The following GPR158 variants were observed in gnomAD, a reference collection of about 807,000 sequenced individuals.
GPR158 encodes the protein metabotropic glycine receptor.
A neutral mutation model predicts 78.2 loss-of-function variants in GPR158; 30 were observed. The ratio of observed to expected loss-of-function variants is 0.38; its 90% CI spans 0.29 to 0.52. GPR158 has a LOEUF of 0.52. GPR158 is among the 20% of genes least tolerant of loss of function. The pLI, the probability that GPR158 is intolerant of heterozygous loss-of-function variation, is 0.83. For synonymous variants in GPR158, 581 were observed against 591.1 expected (o/e 0.98, Z 0.25); for missense variants, 1,463 against 1,523.5 (o/e 0.96, Z 0.66).
chr10:25,299,561 A>T (rs1388785489), intron 2 of GPR158, among the ~76,000 whole-genome samples: 1 of 152,088 alleles, frequency 6.6e-6, no homozygotes, highest in Admixed American at 6.6e-5. Flanking sequence ...TTTCTCGCAA[A>T]TGACAGACTT....
intron 2 of GPR158, among the ~76,000 whole-genome samples, chr10:25,236,584 A>G (rs901524775): frequency 6.6e-6 from 1 of 152,166 alleles, no homozygotes; most frequent in Non-Finnish European, 1.5e-5. Flanking sequence ...TGATTCTACC[A>G]TGCTTTTTCA....
rs1298749281 is a variant in GPR158 at position 25,596,556 on chromosome 10, TATAG to T, written c.1999-83_1999-80del. ...ATCTAGGTATAGATATAGATACCTA[TATAG>T]ATATAGGTATAGATATAGATATAGA... On this transcript the variant is annotated intron_variant, in intron 9 of 10. Coordinates refer to ENST00000376351, the MANE Select transcript of GPR158 (RefSeq NM_020752.3). The T allele has an allele frequency of 2.0e-5, 17 of 870,728 alleles. No individual in the cohort carries two copies. In the African/African-American group the frequency reaches 2.7e-4, roughly 14 times the overall value. The allele number at this position is 870,728 out of a possible 1,614,324, so 53.9% of individuals were successfully genotyped here.
At chr10:25,380,709 T>C (rs1352143642) in intron 2 of GPR158, among the ~76,000 whole-genome samples, 3 of 152,188 alleles carry the variant, frequency 2.0e-5, no homozygotes, top group African/African-American at 7.2e-5. Context: ...TTAGGAGTAA[T>C]AATTAAAAAT....
intron 2 of GPR158, among the ~76,000 whole-genome samples, chr10:25,314,715 G>A (rs921341196): frequency 4.7e-5 from 7 of 149,324 alleles, no homozygotes; most frequent in East Asian, 2.0e-4. Flanking sequence ...GTCAACAAAC[G>A]TGTTTAAGAC....
At chr10:25,185,901 C>T (rs1023896960) in intron 1 of GPR158, among the ~76,000 whole-genome samples, 2 of 152,148 alleles carry the variant, frequency 1.3e-5, no homozygotes, top group Non-Finnish European at 2.9e-5. Context: ...GAACTCTCTA[C>T]CCCAAAACAA....
chr10:25,200,868 G>GTT lies in GPR158; in HGVS notation c.903-20166_903-20165dup, dbSNP rs56696555. 8.0e-3 allele frequency among the ~76,000 whole-genome samples: 906 copies of GTT among 113,270 alleles called. 15 individuals carry two copies. Among genetic ancestry groups the GTT allele is most frequent in the East Asian group, 0.05 (207 of 4,142 alleles). 74.3% of individuals were successfully genotyped at this position (113,270 alleles called of 152,430 possible). ...GATCTATGTATCTGTTTTTTGTTTTGTTTTTTTTTTTTTTTTTTTCAGTAC... is the reference window on the plus strand; with the variant it reads ...GATCTATGTATCTGTTTTTTGTTTTGTTTTTTTTTTTTTTTTTTTTTCAGTAC... On this transcript the variant is annotated intron_variant, in intron 1 of 10. Coordinates refer to ENST00000376351, the MANE Select transcript of GPR158 (RefSeq NM_020752.3).
chr10:25,368,463 G>A (rs1241559227), intron 2 of GPR158, among the ~76,000 whole-genome samples: 1 of 151,740 alleles, frequency 6.6e-6, no homozygotes, highest in Non-Finnish European at 1.5e-5. Context: ...ACATACATAT[G>A]GCCAATGATC....
Position 25,472,422 on chromosome 10 carries a change from C to T in GPR158, c.1404+5703C>T, listed in dbSNP as rs187311558. On this transcript the variant is annotated intron_variant, in intron 5 of 10. Transcript: ENST00000376351. Reference sequence around the variant, plus strand: ...GATGCCTCCAGCTTTGTTCTTTCAGCTTAGGATGGACTTGGCAATGTGGGC... The same window carrying T: ...GATGCCTCCAGCTTTGTTCTTTCAGTTTAGGATGGACTTGGCAATGTGGGC... 1.9e-3 allele frequency among the ~76,000 whole-genome samples: 292 copies of T among 152,292 alleles called. 1 individual carries two copies. Among genetic ancestry groups the T allele is most frequent in the Middle Eastern group, 3.4e-3 (1 of 294 alleles).
In GPR158 at chr10:25,519,337, T is replaced by A. The variant is rs1836226363; in HGVS notation, c.1405-31639T>A. Among the ~76,000 whole-genome samples the A allele has an allele frequency of 2.8e-5, 4 of 142,440 alleles. No individual in the cohort carries two copies. The South Asian group carries it at 8.9e-4, about 32-fold the overall frequency. 93.4% of individuals were successfully genotyped at this position (142,440 alleles called of 152,430 possible). A position where few individuals can be genotyped will look rare whatever the true frequency, so the allele number is the denominator to read the frequency against. Reference sequence around the variant, plus strand: ...CTTGACTCTTTATCCAATTTGCCAGTCTGTGTCTTTTAATTGGAGAATTTA... The same window carrying A: ...CTTGACTCTTTATCCAATTTGCCAGACTGTGTCTTTTAATTGGAGAATTTA... On this transcript the variant is annotated intron_variant, in intron 5 of 10. Coordinates refer to ENST00000376351, the MANE Select transcript of GPR158 (RefSeq NM_020752.3).
At chr10:25,549,074 T>C (rs1836698534) in intron 5 of GPR158, among the ~76,000 whole-genome samples, 1 of 152,174 alleles carries the variant, frequency 6.6e-6, no homozygotes, top group Admixed American at 6.6e-5. Context: ...TGATAGGATT[T>C]TGCAGCTCCC....
intron 1 of GPR158, among the ~76,000 whole-genome samples, chr10:25,212,649 T>TTTTTTTTTTTA (rs1853149037): frequency 6.8e-6 from 1 of 146,716 alleles, no homozygotes; most frequent in African/African-American, 2.5e-5. Context: ...TTTTTTTTTT[T>TTTTTTTTTTTA]GAGATGAGTC....
intron 5 of GPR158, among the ~76,000 whole-genome samples, chr10:25,531,811 G>A (rs1302670675): frequency 6.6e-6 from 1 of 152,156 alleles, no homozygotes; most frequent in Non-Finnish European, 1.5e-5. Flanking sequence ...GTGAGGGAGG[G>A]AGGATTATTA....
intron 2 of GPR158, among the ~76,000 whole-genome samples, chr10:25,310,532 T>G (rs960028118): frequency 3.9e-5 from 6 of 152,154 alleles, no homozygotes; most frequent in African/African-American, 1.4e-4. Flanking sequence ...GTGGGATGTT[T>G]TTCCATTTAT....
intron 6 of GPR158, among the ~76,000 whole-genome samples, chr10:25,555,326 AGAAAG>A (rs563621076): frequency 6.6e-6 from 1 of 152,190 alleles, no homozygotes; most frequent in South Asian, 2.1e-4. Flanking sequence ...GGGAAAGGAA[AGAAAG>A]GAAAGAGTAC....
Position 25,176,085 on chromosome 10 carries a change from G to C in GPR158, c.665G>C (p.Trp222Ser), listed in dbSNP as rs1168196557. ...HLANATLETE[W>S]FHGLRRKWRP... ...GCCAACGCCACTCTGGAGACCGAGT[G>C]GTTCCACGGCCTCCGGCGCAAGTGG... The change falls in exon 1 of 11, where the codon TGG becomes TCG. Residue 222 changes from tryptophan (W) to serine (S), a missense_variant. By Grantham distance (177) the Trp-to-Ser change is radical. Transcript: ENST00000376351. This position sits in a 1 kb window ranked among gnomAD's most constrained non-coding sequence, Gnocchi z 6.3. 3 of 1,595,846 alleles carry C rather than the reference G, an allele frequency of 1.9e-6. No individual in the cohort carries two copies. Among genetic ancestry groups the C allele is most frequent in the Non-Finnish European group, 2.6e-6 (3 of 1,171,982 alleles).
intron 5 of GPR158, among the ~76,000 whole-genome samples, chr10:25,525,240 CAG>C (rs1190681714): frequency 6.6e-6 from 1 of 152,128 alleles, no homozygotes; most frequent in African/African-American, 2.4e-5. Flanking sequence ...AAATGTTAAG[CAG>C]AGTTACCATA....
chr10:25,535,529 T>C (rs1443301047), intron 5 of GPR158, among the ~76,000 whole-genome samples: 1 of 152,198 alleles, frequency 6.6e-6, no homozygotes, highest in Non-Finnish European at 1.5e-5. Context: ...AGCCTTCAGA[T>C]GGAACCCCAG....
chr10:25,593,809 T>G (rs1837369551), intron 8 of GPR158, among the ~76,000 whole-genome samples: 1 of 151,676 alleles, frequency 6.6e-6, no homozygotes, highest in Non-Finnish European at 1.5e-5. Context: ...GTTTTATCCA[T>G]TAAATTGTTT....
intron 2 of GPR158, among the ~76,000 whole-genome samples, chr10:25,338,478 TA>T (rs1337667447): frequency 1.4e-4 from 19 of 131,910 alleles, no homozygotes; most frequent in East Asian, 6.0e-4. Context: ...ATTATACGTA[TA>T]ATATACGTAT....
Sources: allele counts gnomAD v4.1 joint callset (sites outside exome capture counted in the v4.1 genomes callset), GRCh38; gene constraint gnomAD v4.1.1; non-coding constraint Gnocchi (gnomAD v3.1); transcripts MANE v1.5; gene names NCBI Gene and HGNC (gene_info 2026-07-23, HGNC 2026-07-21).